Variants in LTK observed in about 807,000 individuals in gnomAD.
LTK encodes leukocyte tyrosine kinase receptor.
A neutral mutation model predicts 101.5 loss-of-function variants in LTK; 117 were observed. That is an observed-to-expected ratio of 1.15 (90% CI 0.99 to 1.34). The LOEUF is 1.34. Among genes scored for constraint, LTK ranks in the 40% most tolerant of loss-of-function variants. The pLI is 0.00. For synonymous variants in LTK, 563 were observed against 494.2 expected, an observed-to-expected ratio of 1.14 and a Z score of -1.85; for missense variants, 1,252 against 1,164.7, an observed-to-expected ratio of 1.07 and a Z score of -1.09.
chr15:41,506,364 G>C (rs945865084), intron 11 of LTK, among the ~76,000 whole-genome samples: 1 of 152,200 alleles, frequency 6.6e-6, no homozygotes, highest in Non-Finnish European at 1.5e-5. Flanking sequence ...GAGTGCAATA[G>C]CGCGATCTCG....
chr15:41,505,272 G>C lies in LTK; in HGVS notation c.1861C>G (p.Leu621Val), dbSNP rs200355589. 6.2e-7 allele frequency: 1 copy of C among 1,614,104 alleles called. No homozygotes were observed. Residue 621 changes from leucine (L) to valine (V), a missense_variant, in exon 15 of 20, where the codon CTG (leucine) becomes GTG (valine). By Grantham distance (32) the Leu-to-Val change is conservative (BLOSUM62 1). Transcript: ENST00000263800. The part of the protein sequence containing the change: ...QPSPLVMRDL[L>V]QLAQDIAQGC... Reference sequence around the variant, plus strand: ...TGGGCTATGTCCTGGGCCAGTTGCAGCAGGTCCCGCATGACCAGAGGTGAT... The same window carrying C: ...TGGGCTATGTCCTGGGCCAGTTGCACCAGGTCCCGCATGACCAGAGGTGAT...
intron 13 of LTK, 73 bp from the exon 14 acceptor site, chr15:41,505,603 G>A: frequency 6.2e-7 from 1 of 1,607,942 alleles, no homozygotes. Context: ...CACAAAGCTG[G>A]AGAGGCCCTC....
In LTK at chr15:41,512,799, C is replaced by G; in HGVS notation, c.267G>C (p.Ala89=). 1 of 1,612,524 alleles carries G rather than the reference C, an allele frequency of 6.2e-7. No individual in the cohort carries two copies. The highest frequency in any genetic ancestry group is 8.5e-7 in the Non-Finnish European group (1 of 1,179,806). ...TCACCACCACGCTGGTCCCCGCGTACGCCCCGTCACATTGTGTCTGTGTGG... is the reference window on the plus strand; with the variant it reads ...TCACCACCACGCTGGTCCCCGCGTAGGCCCCGTCACATTGTGTCTGTGTGG... ...HGPTQTQCDG[A]YAGTSVVVTV... The change falls in exon 3 of 20, where the codon GCG becomes GCC. Residue 89 remains alanine, a synonymous_variant. Coordinates refer to ENST00000263800, the MANE Select transcript of LTK (RefSeq NM_002344.6).
In LTK at chr15:41,511,855, C is replaced by T. The variant is rs2051476766; in HGVS notation, c.619G>A (p.Gly207Ser). ...GTGGCGCCCCCGCCACCCCCGCCAC[C>T]TCCCGCCCAGCGCCGCGACCCCGGG... ...GVPGSRRWAG[G>S]GGGGGGATYV... The change falls in exon 5 of 20, where the codon GGT (glycine) becomes AGT (serine). Residue 207 changes from glycine (G) to serine (S), a missense_variant. Gly to Ser is a moderately conservative substitution (Grantham distance 56). Transcript: ENST00000263800. The surrounding 1 kb of genome is among the most constrained non-coding windows in gnomAD (Gnocchi z 5.9). The T allele has an allele frequency of 6.9e-7, 1 of 1,446,780 alleles. No homozygotes were observed. Among genetic ancestry groups the T allele is most frequent in the Non-Finnish European group, 9.1e-7 (1 of 1,099,702 alleles). 89.6% of individuals were successfully genotyped at this position (1,446,780 alleles called of 1,614,324 possible). A position where few individuals can be genotyped will look rare whatever the true frequency, so the allele number is the denominator to read the frequency against.
chr15:41,504,799 G>A lies in LTK; in HGVS notation c.2094C>T (p.Gly698=), dbSNP rs375465862. The A allele has an allele frequency of 5.1e-5, 83 of 1,612,900 alleles. No individual in the cohort carries two copies. The highest frequency in any genetic ancestry group is 6.8e-5 in the Non-Finnish European group (80 of 1,179,770). ...KWMPPEAFLE[G]IFTSKTDSWS... is the part of the protein sequence containing the mutation. ...AGGAATCTGTCTTGGATGTGAAGATGCCCTCCAGGAAGGCCTCTGGGGGCA... is the reference window on the plus strand; with the variant it reads ...AGGAATCTGTCTTGGATGTGAAGATACCCTCCAGGAAGGCCTCTGGGGGCA... Residue 698 remains glycine, a synonymous_variant, in exon 17 of 20, where the codon GGC becomes GGT. Coordinates refer to ENST00000263800, the MANE Select transcript of LTK (RefSeq NM_002344.6).
chr15:41,511,523 G>C lies in LTK; in HGVS notation c.713C>G (p.Ala238Gly). ...GCCTCGGTCCCGCGGCCTCAGGTAG[G>C]CCCGACCGCCGCCTCCGGCCGCCAC... Reference protein sequence around the residue: ...LLVAAGGGGRAYLRPRDRGRT... With the variant: ...LLVAAGGGGRGYLRPRDRGRT... Residue 238 changes from alanine to glycine, a missense_variant, in exon 6 of 20, where the codon GCC (alanine) becomes GGC (glycine). Physicochemically the swap from Ala to Gly is moderately conservative, Grantham distance 60 (BLOSUM62 0). Coordinates refer to ENST00000263800, the MANE Select transcript of LTK (RefSeq NM_002344.6). This position sits in a 1 kb window ranked among gnomAD's most constrained non-coding sequence, Gnocchi z 5.9. 1 of 1,469,514 alleles carries C rather than the reference G, an allele frequency of 6.8e-7. No homozygotes were observed. The allele number at this position is 1,469,514 out of a possible 1,614,324, so 91.0% of individuals were successfully genotyped here. A position where few individuals can be genotyped will look rare whatever the true frequency, so the allele number is the denominator to read the frequency against.
intron 16 of LTK, 23 bp downstream of exon 16, chr15:41,504,949 T>C (rs1423778066): frequency 6.2e-7 from 1 of 1,600,390 alleles, no homozygotes; most frequent in African/African-American, 1.3e-5. Context: ...AGCAAGAGCC[T>C]TCCCACCTCC....
intron 9 of LTK, 122 bp downstream of exon 9, chr15:41,507,947 G>T: frequency 9.2e-7 from 1 of 1,081,944 alleles, no homozygotes; most frequent in Non-Finnish European, 1.3e-6. Flanking sequence ...CCAATCCCCT[G>T]CCCAGCACCC....
intron 2 of LTK, 39 bp downstream of exon 2, chr15:41,512,938 T>A: frequency 6.2e-7 from 1 of 1,612,628 alleles, no homozygotes; most frequent in Non-Finnish European, 8.5e-7. Flanking sequence ...AGGGGTCTGG[T>A]ATGGTGAGCG....
rs2051468241 is a variant in LTK, at chr15:41,511,680, G to C, written c.658-102C>G. 7 of 1,406,828 alleles carry C rather than the reference G, an allele frequency of 5.0e-6. No individual in the cohort carries two copies. The South Asian group carries it at 7.4e-5, about 15-fold the overall frequency. 87.1% of individuals were successfully genotyped at this position (1,406,828 alleles called of 1,614,324 possible). ...CCAGGGGGCCTGGATAAGGGCAGGG[G>C]CCCCCAGCCCAGCCCAGGCCAGCCC... On this transcript the variant is annotated intron_variant, in intron 5 of 19. Coordinates refer to ENST00000263800, the MANE Select transcript of LTK (RefSeq NM_002344.6). This position sits in a 1 kb window ranked among gnomAD's most constrained non-coding sequence, Gnocchi z 5.9.
In LTK at chr15:41,513,795, G is replaced by C. The variant is rs1229664373; in HGVS notation, c.-86C>G. 9.9e-6 allele frequency: 12 copies of C among 1,206,262 alleles called. No homozygotes were observed. The highest frequency in any genetic ancestry group is 3.4e-5 in the Admixed American group (2 of 58,812). The allele number at this position is 1,206,262 out of a possible 1,614,324, so 74.7% of individuals were successfully genotyped here. ...TAAAGTTGACAGCTCATTTTGCCAC[G>C]GCAGCCCTGGCCACCACTTACAGGG... On this transcript the variant is annotated 5_prime_UTR_variant, in exon 1 of 20. Coordinates refer to ENST00000263800, the MANE Select transcript of LTK (RefSeq NM_002344.6).
Position 41,507,214 on chromosome 15 carries a change from G to A in LTK, c.1422C>T (p.Thr474=). ...GATTGGGGGCTGTCCTGATGGCAGAGGTTCGAAGCTTGCTCAGCTCAAGCT... is the reference window on the plus strand; with the variant it reads ...GATTGGGGGCTGTCCTGATGGCAGAAGTTCGAAGCTTGCTCAGCTCAAGCT... ...SPELELSKLR[T]SAIRTAPNPY... is the part of the protein sequence containing the mutation. The change falls in exon 11 of 20, where the codon ACC becomes ACT. Residue 474 remains threonine, a synonymous_variant. Transcript: ENST00000263800. The A allele has an allele frequency of 6.2e-7, 1 of 1,613,728 alleles. No homozygotes were observed. Among genetic ancestry groups the A allele is most frequent in the Non-Finnish European group, 8.5e-7 (1 of 1,179,896 alleles).
chr15:41,505,040 C>T lies in LTK; in HGVS notation c.1950G>A (p.Leu650=), dbSNP rs1199116927. 6.2e-7 allele frequency: 1 copy of T among 1,613,402 alleles called. No individual in the cohort carries two copies. Among genetic ancestry groups the T allele is most frequent in the Non-Finnish European group, 8.5e-7 (1 of 1,179,626 alleles). ...CTCGGCTGGGTCCAGCGCAGCTCAG[C>T]AGGCAGTTCCGGGCGGCAATATCCC... ...IHRDIAARNC[L]LSCAGPSRVA... The change falls in exon 16 of 20, where the codon CTG becomes CTA. Residue 650 remains leucine, a synonymous_variant. Coordinates refer to ENST00000263800, the MANE Select transcript of LTK (RefSeq NM_002344.6).
At position 41,507,240 on chromosome 15, in the gene LTK, C is replaced by T; in HGVS notation, c.1396G>A (p.Glu466Lys). 6.2e-7 allele frequency: 1 copy of T among 1,609,428 alleles called. No individual in the cohort carries two copies. The highest frequency in any genetic ancestry group is 2.2e-5 in the East Asian group (1 of 44,812). Residue 466 changes from glutamate to lysine, a missense_variant, in exon 11 of 20, where the codon GAG becomes AAG. Glu to Lys is a moderately conservative substitution (Grantham distance 56). Coordinates refer to ENST00000263800, the MANE Select transcript of LTK (RefSeq NM_002344.6). ...GTTCGAAGCTTGCTCAGCTCAAGCTCAGGGCTCGGCAGCCTCATCTCCTGC... is the reference window on the plus strand; with the variant it reads ...GTTCGAAGCTTGCTCAGCTCAAGCTTAGGGCTCGGCAGCCTCATCTCCTGC... ...GLQEMRLPSP[E>K]LELSKLRTSA... is the part of the protein sequence containing the mutation.
chr15:41,505,099 C>G (rs952475079), intron 15 of LTK, 35 bp from the exon 16 acceptor site: 2 of 1,588,942 alleles, frequency 1.3e-6, no homozygotes, highest in East Asian at 2.2e-5. Flanking sequence ...CTGCCAGAAT[C>G]TAGAAGTTCT....
Position 41,505,773 on chromosome 15 carries a change from A to G in LTK, c.1637T>C (p.Leu546Pro), listed in dbSNP as rs1404691319. The G allele has an allele frequency of 3.7e-6, 6 of 1,613,754 alleles. No homozygotes were observed. In the African/African-American group the frequency reaches 4.0e-5, roughly 11 times the overall value. The change falls in exon 13 of 20, where the codon CTG (leucine) becomes CCG (proline). Residue 546 changes from leucine to proline, a missense_variant. Transcript: ENST00000263800. ...ATCCTGAGGCGAGCAGAGTTCTGGCAGGGTCTGGGGAGGAAAAGGGCACAG... is the reference window on the plus strand; with the variant it reads ...ATCCTGAGGCGAGCAGAGTTCTGGCGGGGTCTGGGGAGGAAAAGGGCACAG... ...SSPLQVAIKT[L>P]PELCSPQDEL...
Position 41,512,733 on chromosome 15 carries a change from C to T in LTK, c.333G>A (p.Trp111Ter). ...AAGQLRGVQL[W>*]RVPGPGQYLI... Reference sequence around the variant, plus strand: ...GATACTGGCCAGGGCCCGGCACGCGCCACAGCTGCACGCCTCTCAGCTGCC... The same window carrying T: ...GATACTGGCCAGGGCCCGGCACGCGTCACAGCTGCACGCCTCTCAGCTGCC... Residue 111 changes from tryptophan (W) to a stop codon, truncating the protein, a stop_gained, in exon 3 of 20, where the codon TGG becomes TGA. Transcript: ENST00000263800. LOFTEE classifies it high-confidence loss of function. The T allele has an allele frequency of 6.2e-7, 1 of 1,604,686 alleles. No individual in the cohort carries two copies. Among genetic ancestry groups the T allele is most frequent in the African/African-American group, 1.3e-5 (1 of 74,874 alleles).
At chr15:41,512,934 C>G in intron 2 of LTK, 43 bp downstream of exon 2, 1 of 1,612,188 alleles carries the variant, frequency 6.2e-7, no homozygotes, top group East Asian at 2.2e-5. Context: ...CCAGAGGGGT[C>G]TGGTATGGTG....
At position 41,504,759 on chromosome 15, in the gene LTK, A is replaced by T; in HGVS notation, c.2120+14T>A. On this transcript the variant is annotated intron_variant, in intron 17 of 19. Coordinates refer to ENST00000263800, the MANE Select transcript of LTK (RefSeq NM_002344.6). The stretch of plus-strand genomic sequence containing the variant: ...GGGGAACAGTGGGGAAGGGGAGGGG[A>T]AGGGTGTTATCACCAGGAATCTGTC... 1 of 1,607,862 alleles carries T rather than the reference A, an allele frequency of 6.2e-7. No homozygotes were observed. The highest frequency in any genetic ancestry group is 8.5e-7 in the Non-Finnish European group (1 of 1,177,092).
Sources: allele counts gnomAD v4.1 joint callset (sites outside exome capture counted in the v4.1 genomes callset), GRCh38; gene constraint gnomAD v4.1.1; non-coding constraint Gnocchi (gnomAD v3.1); transcripts MANE v1.5; gene names NCBI Gene and HGNC (gene_info 2026-07-23, HGNC 2026-07-21).